Variants in SHISA9 observed in about 807,000 individuals in gnomAD.
SHISA9 encodes the protein protein shisa-9.
A neutral mutation model predicts 38.0 loss-of-function variants in SHISA9; 13 were observed. The ratio of observed to expected loss-of-function variants is 0.34; its 90% CI spans 0.22 to 0.54. The LOEUF (loss-of-function observed/expected upper bound fraction) is 0.54, where lower values mean the gene tolerates loss of function less well. SHISA9 is among the 20% of genes least tolerant of loss of function. The pLI is 0.91. For missense variants in SHISA9, 538 were observed against 575.8 expected (o/e 0.93, Z 0.67); for synonymous variants, 275 against 242.0 (o/e 1.14, Z -1.27).
Position 12,994,750 on chromosome 16 carries a change from T to C in SHISA9, c.691+77935T>C, listed in dbSNP as rs556070683. ...GACTGGTGTAATCCGTTGGTCATGGTCAGGTATATGATGTGATGGGTGAGG... is the reference window on the plus strand; with the variant it reads ...GACTGGTGTAATCCGTTGGTCATGGCCAGGTATATGATGTGATGGGTGAGG... On this transcript the variant is annotated intron_variant, in intron 2 of 4. Coordinates refer to ENST00000558583, the MANE Select transcript of SHISA9 (RefSeq NM_001145204.3). Among the ~76,000 whole-genome samples, 18 of 152,310 alleles carry C rather than the reference T, an allele frequency of 1.2e-4. No homozygotes were observed. The South Asian group carries it at 1.5e-3, about 12-fold the overall frequency.
the SHISA9 span, among the ~76,000 whole-genome samples, chr16:13,336,969 T>G: frequency 4.2e-4 from 64 of 152,252 alleles, no homozygotes; most frequent in African/African-American, 1.4e-3. Context: ...GACCCACTTT[T>G]TAAAAAGATG....
At chr16:12,910,614 A>C in intron 1 of SHISA9, 1 of 985,474 alleles carries the variant, frequency 1.0e-6, no homozygotes, top group Non-Finnish European at 1.2e-6. Context: ...AAATGGCAAC[A>C]TAATTATGTT....
the SHISA9 span, among the ~76,000 whole-genome samples, chr16:13,524,804 C>G: frequency 6.6e-6 from 1 of 151,866 alleles, no homozygotes; most frequent in Non-Finnish European, 1.5e-5. Flanking sequence ...TAGCCTCAAG[C>G]AATTCTCCTA....
intron 4 of SHISA9, among the ~76,000 whole-genome samples, chr16:13,234,635 G>A (rs2051362837): frequency 6.6e-6 from 1 of 152,188 alleles, no homozygotes; most frequent in South Asian, 2.1e-4. Context: ...GTAGGTCATA[G>A]ATAGGAAGAT....
the SHISA9 span, among the ~76,000 whole-genome samples, chr16:13,498,142 G>C: frequency 1.3e-5 from 2 of 151,884 alleles, no homozygotes; most frequent in African/African-American, 4.8e-5. Flanking sequence ...ACATTCAGCA[G>C]AAAAAATAGA....
the SHISA9 span, among the ~76,000 whole-genome samples, chr16:13,415,815 TAAAAA>T: frequency 6.7e-6 from 1 of 149,112 alleles, no homozygotes; most frequent in Admixed American, 6.7e-5. Context: ...CTTCTTTCGT[TAAAAA>T]AAAAAAAGTC....
chr16:13,139,220 C>T (rs1382705507), intron 2 of SHISA9, among the ~76,000 whole-genome samples: 2 of 151,614 alleles, frequency 1.3e-5, no homozygotes, highest in East Asian at 3.9e-4. Flanking sequence ...TCCCTTCCCT[C>T]ACTCCCTTCC....
the SHISA9 span, among the ~76,000 whole-genome samples, chr16:13,305,089 A>G: frequency 6.6e-6 from 1 of 152,230 alleles, no homozygotes; most frequent in Non-Finnish European, 1.5e-5. Flanking sequence ...TTGCATATAC[A>G]TAATGAGATA....
chr16:13,091,966 T>G lies in SHISA9; in HGVS notation c.692-111428T>G, dbSNP rs915990980. On this transcript the variant is annotated intron_variant, in intron 2 of 4. Coordinates refer to ENST00000558583, the MANE Select transcript of SHISA9 (RefSeq NM_001145204.3). ...ACCTACCTTTGGTCTTTGATGTTGG[T>G]GACCTACAGATGGGGTTCTGGTGTA... 2.0e-5 allele frequency among the ~76,000 whole-genome samples: 3 copies of G among 152,230 alleles called. No homozygotes were observed. The East Asian group carries it at 5.8e-4, about 29-fold the overall frequency.
the SHISA9 span, among the ~76,000 whole-genome samples, chr16:13,553,596 G>T: frequency 1.1e-4 from 16 of 151,916 alleles, no homozygotes; most frequent in African/African-American, 3.6e-4. Flanking sequence ...CTCCAGAACC[G>T]AAACACATGC....
chr16:13,126,786 AAG>A (rs1025541955), intron 2 of SHISA9, among the ~76,000 whole-genome samples: 1 of 135,344 alleles, frequency 7.4e-6, no homozygotes, highest in African/African-American at 2.8e-5. Flanking sequence ...GAGGGAAAGA[AAG>A]AGACTGAGGG....
chr16:13,194,707 C>T (rs1427207128), intron 2 of SHISA9, among the ~76,000 whole-genome samples: 1 of 152,150 alleles, frequency 6.6e-6, no homozygotes, highest in Non-Finnish European at 1.5e-5. Context: ...GAGCCAAGCC[C>T]ACACACTCAG....
the SHISA9 span, among the ~76,000 whole-genome samples, chr16:13,444,360 G>C: frequency 1.4e-5 from 2 of 142,998 alleles, no homozygotes; most frequent in African/African-American, 2.5e-5. Flanking sequence ...GACAGAGCAA[G>C]ACTCTGTGAA....
chr16:13,327,621 A>C, the SHISA9 span, among the ~76,000 whole-genome samples: 1 of 152,074 alleles, frequency 6.6e-6, no homozygotes, highest in Admixed American at 6.5e-5. Flanking sequence ...GTCTCAAAAA[A>C]GAAAAGGCAT....
the SHISA9 span, among the ~76,000 whole-genome samples, chr16:13,555,053 C>A: frequency 6.6e-6 from 1 of 152,190 alleles, no homozygotes; most frequent in Non-Finnish European, 1.5e-5. Flanking sequence ...TAACTTCAAA[C>A]ATCAGATTTC....
chr16:13,129,009 C>T (rs1464920093), intron 2 of SHISA9, among the ~76,000 whole-genome samples: 2 of 152,144 alleles, frequency 1.3e-5, no homozygotes, highest in South Asian at 4.2e-4. Context: ...CTTGTCTTTC[C>T]AATGACTCTA....
At chr16:13,055,663 C>T (rs1289157492) in intron 2 of SHISA9, among the ~76,000 whole-genome samples, 2 of 152,220 alleles carry the variant, frequency 1.3e-5, no homozygotes, top group African/African-American at 4.8e-5. Context: ...AATTCTCCCT[C>T]CATGCCCACT....
At chr16:13,367,715 CACACA>C in the SHISA9 span, among the ~76,000 whole-genome samples, 1 of 93,724 alleles carries the variant, frequency 1.1e-5, no homozygotes, top group African/African-American at 4.3e-5. Flanking sequence ...CGCGCGCGCA[CACACA>C]CACACACACA....
chr16:12,954,793 G>A (rs897010561), intron 2 of SHISA9, among the ~76,000 whole-genome samples: 3 of 152,124 alleles, frequency 2.0e-5, no homozygotes, highest in Admixed American at 1.3e-4. Flanking sequence ...AGTGAAACGG[G>A]GATTACAGCC....
Sources: allele counts gnomAD v4.1 joint callset (sites outside exome capture counted in the v4.1 genomes callset), GRCh38; gene constraint gnomAD v4.1.1; transcripts MANE v1.5; gene names NCBI Gene and HGNC (gene_info 2026-07-23, HGNC 2026-07-21).